The following TCF12 variants were observed in gnomAD, a reference collection of about 807,000 sequenced individuals.
The protein encoded by TCF12 is transcription factor 12.
TCF12 carries 45 observed loss-of-function variants against 86.0 expected under a neutral mutation model. The observed-to-expected ratio is 0.52, with a 90% CI of 0.41 to 0.67. The LOEUF (loss-of-function observed/expected upper bound fraction) is 0.67. Among genes scored for constraint, TCF12 ranks in the 30% least tolerant of loss-of-function variants. The pLI is 0.00. For missense variants in TCF12, 881 were observed against 859.9 expected, an observed-to-expected ratio of 1.02 and a Z score of -0.31; for synonymous variants, 330 against 299.6, an observed-to-expected ratio of 1.10 and a Z score of -1.05.
chr15:57,177,633 A>AGAGAGAGAGAGAGAGAGT (rs1362152149), intron 6 of TCF12, among the ~76,000 whole-genome samples: 2 of 151,744 alleles, frequency 1.3e-5, no homozygotes, highest in East Asian at 3.9e-4. Flanking sequence ...AGAGAGAGAG[A>AGAGAGAGAGAGAGAGAGT]GAGAGTTGGA....
chr15:57,106,639 A>C (rs2050150471), intron 5 of TCF12, among the ~76,000 whole-genome samples: 3 of 152,326 alleles, frequency 2.0e-5, no homozygotes, highest in South Asian at 4.1e-4. Flanking sequence ...CAGGCCACAG[A>C]ATGGGATATA....
At chr15:57,189,150 C>G (rs1265285482) in intron 6 of TCF12, among the ~76,000 whole-genome samples, 1 of 152,132 alleles carries the variant, frequency 6.6e-6, no homozygotes, top group Non-Finnish European at 1.5e-5. Flanking sequence ...CTATAAAATT[C>G]TCAGGAGAAA....
At chr15:57,210,807 C>T (rs1291854093) in intron 8 of TCF12, among the ~76,000 whole-genome samples, 1 of 152,184 alleles carries the variant, frequency 6.6e-6, no homozygotes, top group East Asian at 1.9e-4. Flanking sequence ...CTTACTTTAT[C>T]CTGTAAACTT....
chr15:56,952,481 G>C (rs1405778373), intron 3 of TCF12, among the ~76,000 whole-genome samples: 1 of 151,904 alleles, frequency 6.6e-6, no homozygotes, highest in Non-Finnish European at 1.5e-5. Context: ...AATTTGGGGA[G>C]AATTGACATC....
chr15:57,192,420 ACT>A (rs2057032399), intron 7 of TCF12, 127 bp downstream of exon 7: 2 of 1,274,724 alleles, frequency 1.6e-6, no homozygotes, highest in Admixed American at 5.1e-5. Context: ...ACAGCGTCTC[ACT>A]CTGTTACCCA....
chr15:57,212,359 C>T (rs1470736676), intron 8 of TCF12, among the ~76,000 whole-genome samples: 1 of 152,152 alleles, frequency 6.6e-6, no homozygotes, highest in African/African-American at 2.4e-5. Context: ...TCATAGCTCA[C>T]TGCAGGCATG....
chr15:57,079,843 G>A lies in TCF12; in HGVS notation c.223-11946G>A, dbSNP rs370762027. Among the ~76,000 whole-genome samples, 7 of 152,070 alleles carry A rather than the reference G, an allele frequency of 4.6e-5. 1 individual carries two copies. Among genetic ancestry groups the A allele is most frequent in the Admixed American group, 2.6e-4 (4 of 15,268 alleles). ...GAATTTAATTCCTTTGTTCTTTGTA[G>A]CAATAAGGACTAACCTGAAGAGATA... On this transcript the variant is annotated intron_variant, in intron 4 of 20. Transcript: ENST00000333725.
At chr15:57,221,569 A>G (rs1356099690) in intron 8 of TCF12, among the ~76,000 whole-genome samples, 2 of 151,942 alleles carry the variant, frequency 1.3e-5, no homozygotes, top group Non-Finnish European at 1.5e-5. Context: ...TGATAGTGGT[A>G]TTTCCAGGCT....
chr15:57,198,884 T>G (rs2057398391), intron 8 of TCF12, among the ~76,000 whole-genome samples: 1 of 152,210 alleles, frequency 6.6e-6, no homozygotes. Context: ...TTTTAGTTTT[T>G]ATTAAGGCTG....
chr15:56,924,681 T>C (rs1269425791), intron 3 of TCF12, among the ~76,000 whole-genome samples: 1 of 152,222 alleles, frequency 6.6e-6, no homozygotes, highest in Non-Finnish European at 1.5e-5. Flanking sequence ...TCAGGTAAGC[T>C]GTAGTTATTA....
chr15:57,073,356 T>A (rs1165637049), intron 4 of TCF12, among the ~76,000 whole-genome samples: 2 of 152,212 alleles, frequency 1.3e-5, no homozygotes, highest in Non-Finnish European at 2.9e-5. Context: ...TAATATTTTT[T>A]CCCTAAGTTT....
chr15:57,267,423 G>T (rs905094112), intron 18 of TCF12, among the ~76,000 whole-genome samples: 1 of 152,182 alleles, frequency 6.6e-6, no homozygotes, highest in Non-Finnish European at 1.5e-5. Context: ...CTCTTTGGAG[G>T]CATCTTAACT....
chr15:57,148,697 G>A (rs1402940824), intron 5 of TCF12, among the ~76,000 whole-genome samples: 3 of 80,652 alleles, frequency 3.7e-5, no homozygotes, highest in East Asian at 3.9e-4. Context: ...CCTGGGTGAC[G>A]TGGCAAAAAA....
chr15:57,234,736 A>G (rs1169328354), intron 12 of TCF12, among the ~76,000 whole-genome samples: 1 of 152,372 alleles, frequency 6.6e-6, no homozygotes, highest in East Asian at 1.9e-4. Context: ...CTCTTTCGGA[A>G]TGCCAAAACT....
In TCF12 at chr15:57,195,027, C is replaced by T. The variant is rs1343365016; in HGVS notation, c.526+2734C>T. Among the ~76,000 whole-genome samples the T allele has an allele frequency of 2.3e-4, 35 of 152,108 alleles. 1 individual carries two copies. Among genetic ancestry groups the T allele is most frequent in the Admixed American group, 1.6e-3 (25 of 15,260 alleles). On this transcript the variant is annotated intron_variant, in intron 7 of 20. Transcript: ENST00000333725. ...AAGCGAGTCTCCTGCCTCAGCCTCCCGAGTAGCTGAGATTACAGGCACAAG... is the reference window on the plus strand; with the variant it reads ...AAGCGAGTCTCCTGCCTCAGCCTCCTGAGTAGCTGAGATTACAGGCACAAG...
At chr15:56,936,071 G>A (rs750910219) in intron 3 of TCF12, among the ~76,000 whole-genome samples, 2 of 152,082 alleles carry the variant, frequency 1.3e-5, no homozygotes, top group Non-Finnish European at 2.9e-5. Context: ...TCACCACACT[G>A]TTTTCTGTAG....
At chr15:56,930,684 TTTATC>T (rs2060205313) in intron 3 of TCF12, among the ~76,000 whole-genome samples, 1 of 151,122 alleles carries the variant, frequency 6.6e-6, no homozygotes, top group East Asian at 1.9e-4. Flanking sequence ...CTTAATATCT[TTTATC>T]TAAGTATCAG....
intron 4 of TCF12, among the ~76,000 whole-genome samples, chr15:57,073,119 G>A (rs2069561460): frequency 6.6e-6 from 1 of 152,096 alleles, no homozygotes; most frequent in African/African-American, 2.4e-5. Context: ...CTTTGCTGTG[G>A]ATCTTTTTGG....
chr15:56,925,321 T>G lies in TCF12; in HGVS notation c.148+4223T>G, dbSNP rs2140212789. 2.2e-5 allele frequency among the ~76,000 whole-genome samples: 3 copies of G among 137,382 alleles called. No individual in the cohort carries two copies. In the Admixed American group the frequency reaches 2.4e-4, roughly 11 times the overall value. 90.1% of individuals were successfully genotyped at this position (137,382 alleles called of 152,430 possible). A position where few individuals can be genotyped will look rare whatever the true frequency, so the allele number is the denominator to read the frequency against. ...ACAATTTGATTAGATCACAACATTT[T>G]AGGGGCTTGTTTATTATATATAGTG... On this transcript the variant is annotated intron_variant, in intron 3 of 20. Transcript: ENST00000333725.
Sources: allele counts gnomAD v4.1 joint callset (sites outside exome capture counted in the v4.1 genomes callset), GRCh38; gene constraint gnomAD v4.1.1; transcripts MANE v1.5; gene names NCBI Gene and HGNC (gene_info 2026-07-23, HGNC 2026-07-21).